Variants in CTDP1 observed in about 807,000 individuals in gnomAD.
CTDP1 encodes the protein CTD phosphatase 1, also known as RNA polymerase II subunit A C-terminal domain phosphatase.
CTDP1 carries 47 observed loss-of-function variants against 91.8 expected under a neutral mutation model. That is an observed-to-expected ratio of 0.51 (90% CI 0.41 to 0.65). The LOEUF is 0.65. CTDP1 is among the 30% of genes least tolerant of loss of function. The pLI is 0.00. For synonymous variants in CTDP1, 656 were observed against 598.5 expected (o/e 1.10, Z -1.40); for missense variants, 1,272 against 1,373.7 (o/e 0.93, Z 1.17).
upstream of CTDP1, chr18:79,679,114 C>T: frequency 3.6e-6 from 1 of 279,342 alleles, no homozygotes; most frequent in Non-Finnish European, 7.1e-6. Flanking sequence ...GCCCGCCCTC[C>T]CGCTGCGGTC....
chr18:79,712,160 C>T (rs2086098591), intron 6 of CTDP1, among the ~76,000 whole-genome samples: 1 of 152,270 alleles, frequency 6.6e-6, no homozygotes, highest in South Asian at 2.1e-4. Context: ...AAAAGTCACC[C>T]GAAGGCAGAA....
chr18:79,726,641 G>A (rs557681953), intron 10 of CTDP1, among the ~76,000 whole-genome samples: 1 of 152,152 alleles, frequency 6.6e-6, no homozygotes, highest in African/African-American at 2.4e-5. Context: ...CAGGAGTGGA[G>A]GCCCCCTTGT....
intron 12 of CTDP1, among the ~76,000 whole-genome samples, chr18:79,740,444 A>G (rs1413647093): frequency 6.6e-6 from 1 of 152,218 alleles, no homozygotes; most frequent in Non-Finnish European, 1.5e-5. Flanking sequence ...TTTATGGGGT[A>G]TTCAGTGAGA....
chr18:79,679,329 A>G, upstream of CTDP1: 1 of 438,786 alleles, frequency 2.3e-6, no homozygotes, highest in East Asian at 7.2e-5. Flanking sequence ...CGACAGCCTC[A>G]CGTCTCTGGG....
At chr18:79,719,302 C>T (rs538470588) in intron 10 of CTDP1, among the ~76,000 whole-genome samples, 1 of 151,810 alleles carries the variant, frequency 6.6e-6, no homozygotes, top group East Asian at 1.9e-4. Context: ...GGAGTCGGGT[C>T]GGGTGACTGG....
intron 8 of CTDP1, among the ~76,000 whole-genome samples, chr18:79,717,000 G>A (rs1175027670): frequency 1.3e-5 from 2 of 150,946 alleles, no homozygotes; most frequent in East Asian, 2.0e-4. Flanking sequence ...GGGTGCAGCC[G>A]AGTGAGGGCC....
Position 79,688,697 on chromosome 18 carries a change from G to C in CTDP1, c.315-6528G>C, listed in dbSNP as rs191439757. ...TTACAGGCGTGAGCCATCACTCCCA[G>C]CCACACCCGGCTAATTTTTGTATTT... On this transcript the variant is annotated intron_variant, in intron 1 of 12. Coordinates refer to ENST00000613122, the MANE Select transcript of CTDP1 (RefSeq NM_004715.5). 1.2e-4 allele frequency among the ~76,000 whole-genome samples: 18 copies of C among 151,954 alleles called. No homozygotes were observed. The East Asian group carries it at 3.5e-3, about 30-fold the overall frequency.
chr18:79,706,879 C>T (rs1448978621), intron 5 of CTDP1, among the ~76,000 whole-genome samples: 5 of 152,246 alleles, frequency 3.3e-5, no homozygotes, highest in Admixed American at 6.5e-5. Flanking sequence ...GGGCACAGCC[C>T]GGTGACCTGC....
intron 1 of CTDP1, chr18:79,681,356 C>T (rs2085363575): frequency 1.7e-5 from 12 of 697,272 alleles, no homozygotes; most frequent in African/African-American, 1.9e-5. Context: ...AAAATGCCTT[C>T]ACGGCTTCCT....
intron 12 of CTDP1, among the ~76,000 whole-genome samples, chr18:79,739,714 G>A (rs1048458761): frequency 2.6e-5 from 4 of 152,228 alleles, no homozygotes; most frequent in East Asian, 1.9e-4. Flanking sequence ...TTTGAGATCA[G>A]GAGAATAAAG....
chr18:79,744,783 C>T (rs1399180123), intron 12 of CTDP1, among the ~76,000 whole-genome samples: 1 of 152,152 alleles, frequency 6.6e-6, no homozygotes, highest in African/African-American at 2.4e-5. Flanking sequence ...TTGGAGGTTC[C>T]CCCGCCACTC....
At chr18:79,716,219 G>A (rs1207650734) in intron 8 of CTDP1, among the ~76,000 whole-genome samples, 10 of 152,156 alleles carry the variant, frequency 6.6e-5, no homozygotes, top group African/African-American at 2.4e-4. Flanking sequence ...CTGTCCTGGC[G>A]GCGTTTCCTG....
intron 12 of CTDP1, among the ~76,000 whole-genome samples, chr18:79,742,477 C>G (rs1281430005): frequency 1.3e-5 from 2 of 152,220 alleles, no homozygotes; most frequent in African/African-American, 4.8e-5. Context: ...AATTCACTAG[C>G]AGACGCACCT....
chr18:79,685,220 G>A (rs775372819), intron 1 of CTDP1: 2 of 152,210 alleles, frequency 1.3e-5, no homozygotes, highest in Non-Finnish European at 2.9e-5. Context: ...GAACAATAGT[G>A]TTTGTCTGCT....
At chr18:79,727,274 T>C (rs2086468333) in intron 10 of CTDP1, among the ~76,000 whole-genome samples, 1 of 152,278 alleles carries the variant, frequency 6.6e-6, no homozygotes, top group Non-Finnish European at 1.5e-5. Flanking sequence ...TGCTTTGGAC[T>C]GCGTGTGTCC....
At chr18:79,689,967 T>G (rs1312604109) in intron 1 of CTDP1, among the ~76,000 whole-genome samples, 1 of 152,196 alleles carries the variant, frequency 6.6e-6, no homozygotes, top group Non-Finnish European at 1.5e-5. Flanking sequence ...TAACGGATTC[T>G]AGGCTGCTGC....
At chr18:79,715,551 C>G (rs1239061457) in intron 8 of CTDP1, 23 bp downstream of exon 8, 3 of 1,537,728 alleles carry the variant, frequency 2.0e-6, no homozygotes, top group African/African-American at 1.4e-5. Flanking sequence ...TCCCTGTGCC[C>G]TGGGCATGGT....
intron 5 of CTDP1, 119 bp downstream of exon 5, chr18:79,705,036 T>C: frequency 6.7e-7 from 1 of 1,490,622 alleles, no homozygotes; most frequent in Non-Finnish European, 9.1e-7. Context: ...GTTGTAGTCT[T>C]AGGGTTGGCC....
At chr18:79,680,344 G>C in intron 1 of CTDP1, 83 bp downstream of exon 1, 2 of 1,116,912 alleles carry the variant, frequency 1.8e-6, no homozygotes, top group Non-Finnish European at 2.3e-6. Flanking sequence ...CTGCGTCCGC[G>C]GTGGGCAGGG....
Sources: allele counts gnomAD v4.1 joint callset (sites outside exome capture counted in the v4.1 genomes callset), GRCh38; gene constraint gnomAD v4.1.1; transcripts MANE v1.5; gene names NCBI Gene and HGNC (gene_info 2026-07-23, HGNC 2026-07-21).